The following GPHN variants were observed in gnomAD, a reference collection of about 807,000 sequenced individuals.
GPHN encodes the protein gephyrin.
GPHN carries 17 observed loss-of-function variants against 95.5 expected under a neutral mutation model. The observed-to-expected ratio is 0.18, with a 90% confidence interval of 0.12 to 0.27. The LOEUF is 0.27. Among genes scored for constraint, GPHN ranks in the 10% least tolerant of loss-of-function variants. The pLI is 1.00. For synonymous variants in GPHN, 320 were observed against 322.5 expected (o/e 0.99, Z 0.08); for missense variants, 660 against 978.1 (o/e 0.67, Z 4.34).
At chr14:66,826,287 T>A (rs931693765) in intron 4 of GPHN, among the ~76,000 whole-genome samples, 1 of 152,220 alleles carries the variant, frequency 6.6e-6, no homozygotes, top group African/African-American at 2.4e-5. Flanking sequence ...CTGCTACTTA[T>A]CAACAAGGTG....
At chr14:66,551,991 A>C (rs2059830247) in intron 1 of GPHN, among the ~76,000 whole-genome samples, 1 of 152,176 alleles carries the variant, frequency 6.6e-6, no homozygotes, top group African/African-American at 2.4e-5. Flanking sequence ...CCCCAAAGAG[A>C]AACCAACCTT....
chr14:66,965,154 T>C (rs771323442), intron 8 of GPHN, 37 bp from the exon 9 acceptor site: 8 of 1,583,496 alleles, frequency 5.1e-6, no homozygotes, highest in Non-Finnish European at 6.9e-6. Context: ...TATTGACATT[T>C]TCAGAATATT....
At chr14:67,615,936 GA>G in the GPHN span, 1 of 493,562 alleles carries the variant, frequency 2.0e-6, no homozygotes, top group South Asian at 2.4e-5. Flanking sequence ...AAAGCTGAAG[GA>G]AAAATACAGA....
At chr14:66,963,268 A>G (rs1260467185) in intron 8 of GPHN, among the ~76,000 whole-genome samples, 3 of 151,990 alleles carry the variant, frequency 2.0e-5, no homozygotes, top group Non-Finnish European at 4.4e-5. Context: ...TCTCTCGAGT[A>G]TCCTGATTTT....
At chr14:67,709,012 C>T in the GPHN span, among the ~76,000 whole-genome samples, 9 of 152,128 alleles carry the variant, frequency 5.9e-5, no homozygotes, top group African/African-American at 1.4e-4. Flanking sequence ...AGGATGGTCT[C>T]GATCTTTTGA....
chr14:67,508,655 A>G, the GPHN span, among the ~76,000 whole-genome samples: 8 of 150,198 alleles, frequency 5.3e-5, no homozygotes, highest in African/African-American at 2.0e-4. Context: ...CTGAGGCTAG[A>G]GGATCCCTTG....
Position 67,101,036 on chromosome 14 carries a change from G to A in GPHN, c.1293+125G>A, listed in dbSNP as rs2077672402. The A allele has an allele frequency of 8.5e-6, 6 of 708,318 alleles. No homozygotes were observed. The Admixed American group carries it at 1.0e-4, about 12-fold the overall frequency. 43.9% of individuals were successfully genotyped at this position (708,318 alleles called of 1,614,324 possible). A position where few individuals can be genotyped will look rare whatever the true frequency, so the allele number is the denominator to read the frequency against. On this transcript the variant is annotated intron_variant, in intron 13 of 22. Coordinates refer to ENST00000478722, the MANE Select transcript of GPHN (RefSeq NM_020806.5). ...GAGATTAGTCAGAAGATTATCAAAGGGATGAAAGTATAGTTCCCAGGAGAA... is the reference window on the plus strand; with the variant it reads ...GAGATTAGTCAGAAGATTATCAAAGAGATGAAAGTATAGTTCCCAGGAGAA...
At chr14:67,129,673 T>C (rs2079561429) in intron 17 of GPHN, among the ~76,000 whole-genome samples, 1 of 152,166 alleles carries the variant, frequency 6.6e-6, no homozygotes, top group Non-Finnish European at 1.5e-5. Flanking sequence ...ATAGCTATGT[T>C]TTGTTTTCCA....
At chr14:66,766,305 G>A (rs1368712256) in intron 2 of GPHN, among the ~76,000 whole-genome samples, 4 of 152,140 alleles carry the variant, frequency 2.6e-5, no homozygotes, top group Admixed American at 2.6e-4. Context: ...ATGGGACTAA[G>A]AAGAAAGGCT....
At chr14:66,528,439 A>T (rs2058778273) in intron 1 of GPHN, among the ~76,000 whole-genome samples, 2 of 152,184 alleles carry the variant, frequency 1.3e-5, no homozygotes, top group South Asian at 4.1e-4. Flanking sequence ...GTGTCTTTTA[A>T]TTGGGGCATT....
At chr14:67,636,342 C>T in the GPHN span, among the ~76,000 whole-genome samples, 5 of 152,152 alleles carry the variant, frequency 3.3e-5, no homozygotes, top group African/African-American at 1.2e-4. Context: ...AAGAGTAATT[C>T]AGTTGCTGTT....
chr14:67,188,958 T>C, the GPHN span, among the ~76,000 whole-genome samples: 1 of 152,126 alleles, frequency 6.6e-6, no homozygotes, highest in Non-Finnish European at 1.5e-5. Flanking sequence ...TCCAAAGTGC[T>C]GGGATTGCAG....
chr14:67,326,365 C>T, the GPHN span, among the ~76,000 whole-genome samples: 1 of 150,072 alleles, frequency 6.7e-6, no homozygotes, highest in South Asian at 2.1e-4. Flanking sequence ...GCATGTGCCA[C>T]AGGTCCTAGC....
chr14:66,987,052 G>C (rs1035749005), intron 9 of GPHN, among the ~76,000 whole-genome samples: 1 of 152,046 alleles, frequency 6.6e-6, no homozygotes. Context: ...TTTCACCAAG[G>C]ATAAGAAGAG....
At chr14:66,589,062 G>T (rs1341105056) in intron 1 of GPHN, among the ~76,000 whole-genome samples, 2 of 152,164 alleles carry the variant, frequency 1.3e-5, no homozygotes, top group Non-Finnish European at 2.9e-5. Context: ...AGCCAGAAGA[G>T]AGTGGGGGCC....
At chr14:67,194,874 T>C in the GPHN span, among the ~76,000 whole-genome samples, 1 of 152,172 alleles carries the variant, frequency 6.6e-6, no homozygotes, top group East Asian at 1.9e-4. Context: ...GCCAGGCTGA[T>C]CTTGAACTCC....
chr14:67,134,953 C>CCTTTTTTTT (rs2079968605), intron 17 of GPHN, among the ~76,000 whole-genome samples: 3 of 45,252 alleles, frequency 6.6e-5, no homozygotes, highest in African/African-American at 3.1e-4. Context: ...TTTCTTTCTT[C>CCTTTTTTTT]TTTTTTTTTT....
intron 1 of GPHN, among the ~76,000 whole-genome samples, chr14:66,541,484 G>A (rs1291154936): frequency 6.6e-6 from 1 of 152,136 alleles, no homozygotes; most frequent in African/African-American, 2.4e-5. Context: ...TAGACTCCCT[G>A]TTAGAACAAA....
At chr14:66,988,643 A>C (rs2071190623) in intron 9 of GPHN, among the ~76,000 whole-genome samples, 1 of 152,046 alleles carries the variant, frequency 6.6e-6, no homozygotes, top group South Asian at 2.1e-4. Context: ...CTAAAGTCTA[A>C]TATACCCAAG....
Sources: allele counts gnomAD v4.1 joint callset (sites outside exome capture counted in the v4.1 genomes callset), GRCh38; gene constraint gnomAD v4.1.1; transcripts MANE v1.5; gene names NCBI Gene and HGNC (gene_info 2026-07-23, HGNC 2026-07-21).